The following PPP1R8 variants were observed in gnomAD, a reference collection of about 807,000 sequenced individuals.
The protein encoded by PPP1R8 is protein phosphatase 1 regulatory subunit 8.
In PPP1R8, 4 loss-of-function variants were observed where a neutral mutation model predicts 31.3. That is an observed-to-expected ratio of 0.13 (90% CI 0.06 to 0.29). The LOEUF is 0.29. Ranked by LOEUF, PPP1R8 falls within the 10% of genes least tolerant of loss-of-function variation. The probability of loss-of-function intolerance (pLI) is 1.00; values close to 1 mark genes in which losing one functional copy is unlikely to be tolerated. For synonymous variants in PPP1R8, 170 were observed against 169.7 expected, an observed-to-expected ratio of 1.00 and a Z score of -0.01; for missense variants, 254 against 440.1, an observed-to-expected ratio of 0.58 and a Z score of 3.78.
In PPP1R8 at chr1:27,844,186, A is replaced by G. The variant is rs142102369; in HGVS notation, c.637+856A>G. 7.4e-4 allele frequency among the ~76,000 whole-genome samples: 112 copies of G among 152,206 alleles called. 1 individual carries two copies. The East Asian group carries it at 0.015, about 20-fold the overall frequency. On this transcript the variant is annotated intron_variant, in intron 5 of 6. Coordinates refer to ENST00000311772, the MANE Select transcript of PPP1R8 (RefSeq NM_014110.5). The stretch of plus-strand genomic sequence containing the variant: ...CTCAGCTAATTGTCATATGTTTTGT[A>G]GAAATGGGGTTTCATCATGTTGCCC...
chr1:27,843,069 T>C, intron 4 of PPP1R8, 117 bp from the exon 5 acceptor site: 1 of 1,200,088 alleles, frequency 8.3e-7, no homozygotes, highest in East Asian at 2.3e-5. Flanking sequence ...GTGTCTCAAC[T>C]CCCTTTGGAG....
chr1:27,838,437 T>C (rs918323069), intron 2 of PPP1R8, among the ~76,000 whole-genome samples: 4 of 152,128 alleles, frequency 2.6e-5, no homozygotes, highest in Non-Finnish European at 5.9e-5. Flanking sequence ...AAACACTACA[T>C]TGAGGAGATG....
intron 1 of PPP1R8, among the ~76,000 whole-genome samples, chr1:27,831,761 C>A (rs989265984): frequency 1.3e-5 from 2 of 152,046 alleles, no homozygotes; most frequent in African/African-American, 4.8e-5. Flanking sequence ...GCCTTTTGTC[C>A]GGTGCATTGT....
chr1:27,839,512 A>G (rs1349347205), intron 3 of PPP1R8, among the ~76,000 whole-genome samples: 1 of 152,172 alleles, frequency 6.6e-6, no homozygotes, highest in Non-Finnish European at 1.5e-5. Flanking sequence ...TGGGCAACAC[A>G]GCAAGATTCT....
chr1:27,847,388 T>C (rs2089295721), intron 6 of PPP1R8, among the ~76,000 whole-genome samples: 1 of 151,682 alleles, frequency 6.6e-6, no homozygotes, highest in Non-Finnish European at 1.5e-5. Context: ...GTCTCTGTAA[T>C]CCCAGCTACT....
At chr1:27,846,848 T>C (rs553304977) in intron 5 of PPP1R8, among the ~76,000 whole-genome samples, 180 bp from the exon 6 acceptor site, 1 of 152,364 alleles carries the variant, frequency 6.6e-6, no homozygotes, top group South Asian at 2.1e-4. Flanking sequence ...TTGATTGTGG[T>C]AGTACCTACA....
intron 5 of PPP1R8, among the ~76,000 whole-genome samples, chr1:27,845,779 C>CTTTTTT (rs1436213513): frequency 8.1e-6 from 1 of 123,924 alleles, no homozygotes; most frequent in African/African-American, 3.8e-5. Flanking sequence ...TTCTTTCTTT[C>CTTTTTT]TTTCTTTTTT....
chr1:27,842,856 A>G (rs1378561144), intron 4 of PPP1R8, among the ~76,000 whole-genome samples: 2 of 152,222 alleles, frequency 1.3e-5, no homozygotes, highest in African/African-American at 4.8e-5. Flanking sequence ...GCATGAAGAC[A>G]TGATAGCCTT....
At chr1:27,832,870 G>A in intron 2 of PPP1R8, 54 bp downstream of exon 2, 1 of 1,454,210 alleles carries the variant, frequency 6.9e-7, no homozygotes, top group African/African-American at 1.4e-5. Flanking sequence ...ATTTTTGCCA[G>A]TGACTCACTT....
At chr1:27,834,339 C>T (rs2089140801) in intron 2 of PPP1R8, 2 of 481,374 alleles carry the variant, frequency 4.2e-6, no homozygotes, top group African/African-American at 2.0e-5. Context: ...AATCCTTAGA[C>T]ATCACTGTAT....
intron 6 of PPP1R8, among the ~76,000 whole-genome samples, chr1:27,848,647 C>A (rs749785565): frequency 6.6e-6 from 1 of 152,124 alleles, no homozygotes; most frequent in Non-Finnish European, 1.5e-5. Flanking sequence ...TAAGTAAGAT[C>A]TGTCAGAGTT....
chr1:27,843,383 G>A (rs1281768379), intron 5 of PPP1R8, 53 bp downstream of exon 5: 30 of 1,608,358 alleles, frequency 1.9e-5, no homozygotes, highest in South Asian at 7.7e-5. Context: ...TGGCCCGGGC[G>A]CGGTGGCTCA....
intron 6 of PPP1R8, 127 bp from the exon 7 acceptor site, chr1:27,849,966 C>T (rs1304328719): frequency 2.4e-6 from 2 of 827,646 alleles, no homozygotes; most frequent in East Asian, 4.9e-5. Flanking sequence ...GGAGAACAGG[C>T]TAGAAGTTAG....
intron 4 of PPP1R8, among the ~76,000 whole-genome samples, chr1:27,842,479 T>C (rs2089232959): frequency 6.6e-6 from 1 of 152,146 alleles, no homozygotes; most frequent in African/African-American, 2.4e-5. Flanking sequence ...TATACTTCCA[T>C]GGCTTTTAGT....
intron 1 of PPP1R8, chr1:27,831,308 C>T (rs2089103362): frequency 1.0e-6 from 1 of 998,426 alleles, no homozygotes; most frequent in South Asian, 4.3e-5. Flanking sequence ...CCCCGCATCC[C>T]TCTGTGGTTG....
Position 27,835,713 on chromosome 1 carries a change from A to T in PPP1R8, c.117+2897A>T, listed in dbSNP as rs147181163. Among the ~76,000 whole-genome samples the T allele has an allele frequency of 3.5e-3, 535 of 152,366 alleles. 4 individuals carry two copies. Among genetic ancestry groups the T allele is most frequent in the Non-Finnish European group, 5.6e-3 (379 of 68,040 alleles). Reference sequence around the variant, plus strand: ...ATGGTGCATTTTTTGATGTAAGTAGAATGAAGAAAATATATAATGTGGTTA... The same window carrying T: ...ATGGTGCATTTTTTGATGTAAGTAGTATGAAGAAAATATATAATGTGGTTA... On this transcript the variant is annotated intron_variant, in intron 2 of 6. Transcript: ENST00000311772.
At chr1:27,848,329 C>CG (rs1023000512) in intron 6 of PPP1R8, among the ~76,000 whole-genome samples, 6 of 151,250 alleles carry the variant, frequency 4.0e-5, no homozygotes, top group African/African-American at 1.5e-4. Context: ...GGCGTGAACC[C>CG]GGGGGGCAGA....
At chr1:27,837,558 A>G (rs2089181070) in intron 2 of PPP1R8, among the ~76,000 whole-genome samples, 1 of 151,418 alleles carries the variant, frequency 6.6e-6, no homozygotes, top group Admixed American at 6.6e-5. Context: ...AGGAGGGCAG[A>G]TCACGAGGTC....
chr1:27,844,027 C>T (rs923165176), intron 5 of PPP1R8, among the ~76,000 whole-genome samples: 6 of 152,170 alleles, frequency 3.9e-5, no homozygotes, highest in South Asian at 2.1e-4. Flanking sequence ...GTGTGAGACA[C>T]GATCTCATTC....
Sources: gnomAD v4.1 joint callset for allele counts (sites outside exome capture counted in the v4.1 genomes callset) on GRCh38, gnomAD v4.1.1 for gene constraint, MANE v1.5 for transcripts, NCBI Gene and HGNC (gene_info 2026-07-23, HGNC 2026-07-21) for gene names.